DYNC2H1: variants seen among roughly 807,000 people sequenced by gnomAD.
DYNC2H1 encodes cytoplasmic dynein 2 heavy chain 1.
A neutral mutation model predicts 570.0 loss-of-function variants in DYNC2H1; 410 were observed. The observed-to-expected ratio is 0.72, with a 90% CI of 0.66 to 0.78. The LOEUF (loss-of-function observed/expected upper bound fraction) is 0.78. DYNC2H1 is among the 30% of genes least tolerant of loss of function. The pLI, the probability that DYNC2H1 is intolerant of heterozygous loss-of-function variation, is 0.00. For synonymous variants in DYNC2H1, 1,688 were observed against 1,677.6 expected (o/e 1.01, Z -0.15); for missense variants, 4,865 against 5,046.4 (o/e 0.96, Z 1.09).
intron 36 of DYNC2H1, among the ~76,000 whole-genome samples, chr11:103,174,549 C>T (rs565706110): frequency 4.6e-5 from 7 of 152,106 alleles, no homozygotes; most frequent in Non-Finnish European, 1.0e-4. Flanking sequence ...GACCCCACCC[C>T]CAAAGGTCCT....
At chr11:103,362,031 C>G (rs2566906) in intron 83 of DYNC2H1, among the ~76,000 whole-genome samples, 83,344 of 150,476 alleles carry the variant, frequency 0.55, 24,650 homozygotes, top group Admixed American at 0.66. Flanking sequence ...AGATGAGGAG[C>G]TGGAGTCAAT....
At chr11:103,354,578 A>G (rs1401367584) in intron 82 of DYNC2H1, among the ~76,000 whole-genome samples, 2 of 151,324 alleles carry the variant, frequency 1.3e-5, no homozygotes, top group African/African-American at 2.4e-5. Flanking sequence ...TTTTTGGATG[A>G]TTTTCTTCTA....
intron 83 of DYNC2H1, among the ~76,000 whole-genome samples, chr11:103,358,963 T>C (rs1285679263): frequency 6.6e-6 from 1 of 152,192 alleles, no homozygotes; most frequent in African/African-American, 2.4e-5. Flanking sequence ...TAACCTTAAT[T>C]ATTGCAAAGA....
chr11:103,136,849 G>A (rs1410480283), intron 17 of DYNC2H1, among the ~76,000 whole-genome samples: 4 of 152,078 alleles, frequency 2.6e-5, no homozygotes, highest in African/African-American at 4.8e-5. Context: ...CCAACAGTGT[G>A]AAAGTGTTCC....
chr11:103,395,074 A>T lies in DYNC2H1; in HGVS notation c.12157-4589A>T, dbSNP rs1455814067. Among the ~76,000 whole-genome samples the T allele has an allele frequency of 6.6e-6, 1 of 152,178 alleles. No homozygotes were observed. Among genetic ancestry groups the T allele is most frequent in the African/African-American group, 2.4e-5 (1 of 41,452 alleles). On this transcript the variant is annotated intron_variant, in intron 83 of 88. Coordinates refer to ENST00000375735, the MANE Select transcript of DYNC2H1 (RefSeq NM_001377.3). This position sits in a 1 kb window ranked among gnomAD's most constrained non-coding sequence, Gnocchi z 4.3. Reference sequence around the variant, plus strand: ...GTACATAATATACAGACATGCAGATATGGGCATAATTTAATCCAGATATGT... The same window carrying T: ...GTACATAATATACAGACATGCAGATTTGGGCATAATTTAATCCAGATATGT...
At position 103,129,304 on chromosome 11, in the gene DYNC2H1, TC is replaced by T. The variant is rs1473165798; in HGVS notation, c.1953+301del. ...AGTTTGAGGTCCTTATACACAAGCT[TC>T]CTTAGACCTTTCCCACCACCTCCCA... is the stretch of plus-strand genomic sequence containing the variant. On this transcript the variant is annotated intron_variant, in intron 13 of 88. Transcript: ENST00000375735. The surrounding 1 kb of genome is among the most constrained non-coding windows in gnomAD (Gnocchi z 4.1). Among the ~76,000 whole-genome samples, 1 of 152,230 alleles carries T rather than the reference TC, an allele frequency of 6.6e-6. No homozygotes were observed. The highest frequency in any genetic ancestry group is 1.9e-4 in the East Asian group (1 of 5,194).
chr11:103,426,401 T>C (rs608419), intron 84 of DYNC2H1, among the ~76,000 whole-genome samples: 84,439 of 151,980 alleles, frequency 0.56, 24,095 homozygotes, highest in East Asian at 0.72. Context: ...AAGCTGGTCT[T>C]AGCAGTGTGT....
chr11:103,383,394 C>T lies in DYNC2H1; in HGVS notation c.12157-16269C>T, dbSNP rs772962549. On this transcript the variant is annotated intron_variant, in intron 83 of 88. Transcript: ENST00000375735. ...AATAGAATATGCCTTTTCATTTGCA[C>T]GTCCTTTATTGGTTTTTTTCTCTAA... Among the ~76,000 whole-genome samples, 6 of 152,152 alleles carry T rather than the reference C, an allele frequency of 3.9e-5. No individual in the cohort carries two copies. In the South Asian group the frequency reaches 6.2e-4, roughly 16 times the overall value.
intron 84 of DYNC2H1, among the ~76,000 whole-genome samples, chr11:103,416,771 C>A (rs949673511): frequency 2.8e-5 from 4 of 144,950 alleles, no homozygotes; most frequent in African/African-American, 7.9e-5. Flanking sequence ...CAACAAAAGC[C>A]AAAATTGACA....
intron 53 of DYNC2H1, 126 bp downstream of exon 53, chr11:103,210,086 G>A (rs1488239264): frequency 8.0e-6 from 9 of 1,120,370 alleles, no homozygotes; most frequent in African/African-American, 1.7e-5. Flanking sequence ...AACAAAATTA[G>A]ATTTCTTCTG....
chr11:103,130,966 T>G (rs1282617823), intron 13 of DYNC2H1, among the ~76,000 whole-genome samples: 5 of 152,210 alleles, frequency 3.3e-5, no homozygotes, highest in Non-Finnish European at 5.9e-5. Flanking sequence ...TTATTTATTT[T>G]CATATTCTCA....
intron 14 of DYNC2H1, 49 bp from the exon 15 acceptor site, chr11:103,134,272 C>T (rs1230413293): frequency 1.3e-6 from 2 of 1,559,228 alleles, no homozygotes; most frequent in Admixed American, 1.7e-5. Context: ...TGAAAAGTTA[C>T]TATTTTTCCA....
intron 59 of DYNC2H1, among the ~76,000 whole-genome samples, chr11:103,229,106 A>G (rs1033469298): frequency 4.6e-5 from 7 of 152,102 alleles, no homozygotes; most frequent in Non-Finnish European, 7.4e-5. Context: ...AACAGCACCA[A>G]ATGTATTTCC....
intron 56 of DYNC2H1, 50 bp from the exon 57 acceptor site, chr11:103,220,572 AT>A: frequency 6.6e-7 from 1 of 1,510,238 alleles, no homozygotes. Context: ...AGAGTTAATG[AT>A]TTAAAGAAAT....
At position 103,117,761 on chromosome 11, in the gene DYNC2H1, T is replaced by C. The variant is rs1454317574; in HGVS notation, c.897T>C (p.Asn299=). 6.2e-7 allele frequency: 1 copy of C among 1,613,560 alleles called. No individual in the cohort carries two copies. The highest frequency in any genetic ancestry group is 1.3e-5 in the African/African-American group (1 of 75,034). Residue 299 remains asparagine, a synonymous_variant, in exon 6 of 89, where the codon AAT becomes AAC. Transcript: ENST00000375735. ...GTGAACAGTGGGTGATAGTCTGTAA[T>C]CATCTAACAGGTCAGGTGTGGCAGC... The part of the protein sequence containing the change: ...SICEQWVIVC[N]HLTGQVWQRY...
In DYNC2H1 at chr11:103,369,879, C is replaced by T. The variant is rs1396337575; in HGVS notation, c.12156+11520C>T. On this transcript the variant is annotated intron_variant, in intron 83 of 88. Transcript: ENST00000375735. This position sits in a 1 kb window ranked among gnomAD's most constrained non-coding sequence, Gnocchi z 4.0. ...AGGCTTACTGGCTTCAGGTGAGACT[C>T]AGCACATTCCCAGCTGTGGTGGTTG... 6.6e-6 allele frequency among the ~76,000 whole-genome samples: 1 copy of T among 152,224 alleles called. No individual in the cohort carries two copies. The highest frequency in any genetic ancestry group is 2.4e-5 in the African/African-American group (1 of 41,456).
At chr11:103,112,849 A>T (rs765084655) in intron 1 of DYNC2H1, among the ~76,000 whole-genome samples, 1 of 152,216 alleles carries the variant, frequency 6.6e-6, no homozygotes, top group Non-Finnish European at 1.5e-5. Flanking sequence ...GTTCTCAGCT[A>T]ATGAACTCAT....
intron 73 of DYNC2H1, among the ~76,000 whole-genome samples, chr11:103,284,645 T>C (rs1159989611): frequency 6.6e-6 from 1 of 152,192 alleles, no homozygotes; most frequent in East Asian, 1.9e-4. Flanking sequence ...TATTAAAAAG[T>C]AATTAAATTG....
rs1395675041 is a variant in DYNC2H1, at chr11:103,120,579, G to A, written c.1132G>A (p.Glu378Lys). ...LNPVQYNPYT[E>K]PLWKAAVSQY... ...TCCTGTGCAATATAATCCATATACTGAGGTTGTATATATATTTGTTTATGT... is the reference window on the plus strand; with the variant it reads ...TCCTGTGCAATATAATCCATATACTAAGGTTGTATATATATTTGTTTATGT... The change falls in exon 7 of 89, where the codon GAG becomes AAG. Residue 378 changes from glutamate (E) to lysine (K), a missense_variant and splice_region_variant. Physicochemically the swap from Glu to Lys is moderately conservative, Grantham distance 56. Transcript: ENST00000375735. The A allele has an allele frequency of 6.2e-7, 1 of 1,609,616 alleles. No individual in the cohort carries two copies. Among genetic ancestry groups the A allele is most frequent in the Non-Finnish European group, 8.5e-7 (1 of 1,178,016 alleles).
Sources: gnomAD v4.1 joint callset for allele counts (sites outside exome capture counted in the v4.1 genomes callset) on GRCh38, gnomAD v4.1.1 for gene constraint, Gnocchi (gnomAD v3.1) non-coding constraint, MANE v1.5 for transcripts, NCBI Gene and HGNC (gene_info 2026-07-23, HGNC 2026-07-21) for gene names.